Variants in PAMR1 observed in about 807,000 individuals in gnomAD.
PAMR1 encodes inactive serine protease PAMR1.
PAMR1 carries 88 observed loss-of-function variants against 81.8 expected under a neutral mutation model. The observed-to-expected ratio is 1.08, with a 90% CI of 0.91 to 1.28. The LOEUF is 1.28. Ranked by LOEUF, PAMR1 falls within the 50% of genes most tolerant of loss-of-function variation. The pLI is 0.00. For missense variants in PAMR1, 935 were observed against 919.7 expected (o/e 1.02, Z -0.21); for synonymous variants, 336 against 345.3 (o/e 0.97, Z 0.30).
chr11:35,479,483 G>A (rs931331187), intron 3 of PAMR1, among the ~76,000 whole-genome samples: 2 of 152,190 alleles, frequency 1.3e-5, no homozygotes, highest in Non-Finnish European at 2.9e-5. Flanking sequence ...CTCAATAAGT[G>A]GCAACAAATA....
intron 1 of PAMR1, among the ~76,000 whole-genome samples, chr11:35,515,118 T>C (rs1851139072): frequency 6.6e-6 from 1 of 152,156 alleles, no homozygotes; most frequent in African/African-American, 2.4e-5. Context: ...AAAAATCCAA[T>C]CTCGTTTTCC....
At chr11:35,520,657 C>G (rs1851253876) in intron 1 of PAMR1, among the ~76,000 whole-genome samples, 2 of 152,124 alleles carry the variant, frequency 1.3e-5, no homozygotes, top group Admixed American at 1.3e-4. Context: ...TTGTGACTTT[C>G]AAATATCCAC....
upstream of PAMR1, among the ~76,000 whole-genome samples, chr11:35,527,470 C>A (rs995535794): frequency 9.2e-5 from 14 of 152,190 alleles, no homozygotes; most frequent in African/African-American, 3.1e-4. Flanking sequence ...CTACACTCAA[C>A]TTCCATATCG....
At chr11:35,492,932 C>A (rs1339527198) in intron 2 of PAMR1, among the ~76,000 whole-genome samples, 1 of 152,182 alleles carries the variant, frequency 6.6e-6, no homozygotes, top group Non-Finnish European at 1.5e-5. Context: ...CTGGCTCTGC[C>A]ATCGTGCAGC....
chr11:35,437,672 T>C (rs541415165), intron 8 of PAMR1, among the ~76,000 whole-genome samples: 2 of 152,396 alleles, frequency 1.3e-5, no homozygotes, highest in African/African-American at 4.8e-5. Flanking sequence ...TCAGCCTTGC[T>C]TTTTCATTTA....
At chr11:35,463,247 A>G (rs969899452) in intron 6 of PAMR1, among the ~76,000 whole-genome samples, 11 of 152,238 alleles carry the variant, frequency 7.2e-5, no homozygotes, top group African/African-American at 2.4e-4. Context: ...GGGACAGGCC[A>G]GTGGGAACCT....
chr11:35,520,451 G>C lies in PAMR1; in HGVS notation c.73+5062C>G, dbSNP rs12225093. On this transcript the variant is annotated intron_variant, in intron 1 of 10. Coordinates refer to ENST00000619888, the MANE Select transcript of PAMR1 (RefSeq NM_001001991.3). ...CATTTTAATCTAAAGCTCTCGCCCA[G>C]GTGTTGAGATGACTGACAAACAGAA... Among the ~76,000 whole-genome samples, 759 of 152,268 alleles carry C rather than the reference G, an allele frequency of 5.0e-3. 13 individuals are homozygous for C. In the East Asian group the frequency reaches 0.064, roughly 13 times the overall value.
At chr11:35,497,268 G>T (rs1287713504) in intron 1 of PAMR1, among the ~76,000 whole-genome samples, 1 of 152,176 alleles carries the variant, frequency 6.6e-6, no homozygotes, top group East Asian at 1.9e-4. Context: ...GGAGCTGCTA[G>T]GTGCTACAAT....
At chr11:35,495,337 A>G (rs1399269740) in intron 1 of PAMR1, among the ~76,000 whole-genome samples, 1 of 148,138 alleles carries the variant, frequency 6.8e-6, no homozygotes, top group African/African-American at 2.6e-5. Context: ...TCTTTCTCAT[A>G]AGAAAAAAAA....
intron 6 of PAMR1, among the ~76,000 whole-genome samples, chr11:35,462,356 C>T (rs1354833472): frequency 6.6e-6 from 1 of 152,226 alleles, no homozygotes; most frequent in Non-Finnish European, 1.5e-5. Context: ...TTCAGTATTT[C>T]TTTACAACAG....
chr11:35,529,172 C>A (rs191825846), upstream of PAMR1, among the ~76,000 whole-genome samples: 192 of 152,200 alleles, frequency 1.3e-3, no homozygotes, highest in Admixed American at 1.9e-3. Flanking sequence ...TCTGGAAGCT[C>A]CTGGTTGAGA....
At chr11:35,463,004 A>C (rs73446932) in intron 6 of PAMR1, among the ~76,000 whole-genome samples, 1,950 of 152,338 alleles carry the variant, frequency 0.013, 43 homozygotes, top group African/African-American at 0.044. Context: ...CAGAGATCTC[A>C]AAATAATTTG....
intron 6 of PAMR1, among the ~76,000 whole-genome samples, chr11:35,448,473 GT>G (rs948629540): frequency 2.4e-4 from 36 of 152,202 alleles, no homozygotes; most frequent in African/African-American, 7.7e-4. Context: ...CTTATGCTGT[GT>G]TTTTCAGCTC....
intron 1 of PAMR1, among the ~76,000 whole-genome samples, chr11:35,509,803 A>G (rs1851039822): frequency 6.6e-6 from 1 of 152,172 alleles, no homozygotes; most frequent in Non-Finnish European, 1.5e-5. Context: ...CAAGCCTCCT[A>G]CTTAGGAGGA....
At chr11:35,438,438 T>C (rs905997794) in intron 8 of PAMR1, among the ~76,000 whole-genome samples, 14 of 152,180 alleles carry the variant, frequency 9.2e-5, no homozygotes, top group African/African-American at 2.9e-4. Context: ...CAGAGACAGA[T>C]TGCTATGATT....
chr11:35,439,210 G>A (rs1856111233), intron 8 of PAMR1, among the ~76,000 whole-genome samples: 1 of 152,168 alleles, frequency 6.6e-6, no homozygotes, highest in Admixed American at 6.5e-5. Flanking sequence ...CCCCCAGCCT[G>A]CCTCATCTCA....
At chr11:35,492,621 CTT>C (rs1170549244) in intron 2 of PAMR1, among the ~76,000 whole-genome samples, 14 of 152,186 alleles carry the variant, frequency 9.2e-5, no homozygotes, top group Non-Finnish European at 2.9e-5. Context: ...TTAAATTAGA[CTT>C]ATATTACTTA....
chr11:35,463,166 C>T (rs907903927), intron 6 of PAMR1, among the ~76,000 whole-genome samples: 10 of 152,176 alleles, frequency 6.6e-5, no homozygotes, highest in South Asian at 2.1e-4. Context: ...TGATGAGAAG[C>T]GCGGGTCTCC....
chr11:35,460,091 C>T (rs1246039581), intron 6 of PAMR1, among the ~76,000 whole-genome samples: 1 of 152,212 alleles, frequency 6.6e-6, no homozygotes, highest in Non-Finnish European at 1.5e-5. Flanking sequence ...AAAGAGGAAG[C>T]TTTCATTTTC....
Sources: gnomAD v4.1 joint callset for allele counts (sites outside exome capture counted in the v4.1 genomes callset) on GRCh38, gnomAD v4.1.1 for gene constraint, MANE v1.5 for transcripts, NCBI Gene and HGNC (gene_info 2026-07-23, HGNC 2026-07-21) for gene names.